AOPEP: variants seen among roughly 807,000 people sequenced by gnomAD.
AOPEP encodes the protein aminopeptidase O (putative).
A neutral mutation model predicts 98.1 loss-of-function variants in AOPEP; 77 were observed. That is an observed-to-expected ratio of 0.78 (90% CI 0.65 to 0.95). The LOEUF is 0.95. AOPEP is among the 40% of genes least tolerant of loss of function. The pLI is 0.00. For missense variants in AOPEP, 1,024 were observed against 1,024.7 expected, an observed-to-expected ratio of 1.00 and a Z score of 0.01; for synonymous variants, 346 against 365.3, an observed-to-expected ratio of 0.95 and a Z score of 0.60.
At chr9:94,999,216 C>CA (rs1335795390) in intron 11 of AOPEP, among the ~76,000 whole-genome samples, 1 of 151,764 alleles carries the variant, frequency 6.6e-6, no homozygotes, top group Admixed American at 6.6e-5. Flanking sequence ...GGAGTGAAGG[C>CA]AGCTTCCAAA....
chr9:94,863,350 G>A (rs1215172821), intron 5 of AOPEP, among the ~76,000 whole-genome samples: 5 of 149,310 alleles, frequency 3.3e-5, no homozygotes, highest in East Asian at 3.9e-4. Flanking sequence ...GCGTGGTCTC[G>A]GCTCACTGCC....
chr9:94,804,437 A>C (rs1271589220), intron 5 of AOPEP, among the ~76,000 whole-genome samples: 2 of 152,152 alleles, frequency 1.3e-5, no homozygotes, highest in African/African-American at 4.8e-5. Context: ...TGTGAAGAGC[A>C]CTGAAGTTAA....
intron 2 of AOPEP, among the ~76,000 whole-genome samples, chr9:94,766,089 AG>A (rs1839536591): frequency 6.6e-6 from 1 of 152,248 alleles, no homozygotes; most frequent in African/African-American, 2.4e-5. Context: ...GCTTCAAGAA[AG>A]GAATGGGACT....
chr9:94,928,207 G>T (rs539971330), intron 6 of AOPEP, among the ~76,000 whole-genome samples: 2 of 152,038 alleles, frequency 1.3e-5, no homozygotes, highest in East Asian at 1.9e-4. Context: ...CAAACAGCAG[G>T]CCCAGCTCCA....
At chr9:95,104,304 G>A in the AOPEP span, among the ~76,000 whole-genome samples, 1 of 152,328 alleles carries the variant, frequency 6.6e-6, no homozygotes, top group East Asian at 1.9e-4. Context: ...ACCACGATGG[G>A]TGCCCAGATG....
At chr9:94,816,917 A>G (rs115452584) in intron 5 of AOPEP, among the ~76,000 whole-genome samples, 5,874 of 152,314 alleles carry the variant, frequency 0.039, 355 homozygotes, top group African/African-American at 0.13. Flanking sequence ...TTTCAGTTCA[A>G]TTCTCCTGAC....
chr9:94,894,676 G>T (rs2049264988), intron 5 of AOPEP, among the ~76,000 whole-genome samples: 1 of 152,144 alleles, frequency 6.6e-6, no homozygotes, highest in East Asian at 1.9e-4. Context: ...TCATAGAAAG[G>T]AAGGCTTTCA....
At chr9:95,068,897 T>TGCCC (rs895909985) in intron 14 of AOPEP, among the ~76,000 whole-genome samples, 1 of 152,130 alleles carries the variant, frequency 6.6e-6, no homozygotes, top group Non-Finnish European at 1.5e-5. Flanking sequence ...GGGCTCAGGA[T>TGCCC]GCCCCCTTTG....
At position 94,747,182 on chromosome 9, in the gene AOPEP, G is replaced by A. The variant is rs73654269; in HGVS notation, c.-135-12467G>A. ...AGACTGTTTAAAACTTGAGACCAGA[G>A]AGCACAGTTTATCTTATTTACAGTT... On this transcript the variant is annotated intron_variant, in intron 1 of 16. Coordinates refer to ENST00000375315, the MANE Select transcript of AOPEP (RefSeq NM_001193329.3). Among the ~76,000 whole-genome samples, 978 of 152,200 alleles carry A rather than the reference G, an allele frequency of 6.4e-3. 6 individuals carry two copies. Among genetic ancestry groups the A allele is most frequent in the African/African-American group, 0.023 (944 of 41,500 alleles).
intron 11 of AOPEP, among the ~76,000 whole-genome samples, chr9:94,982,262 A>G (rs755756287): frequency 6.6e-6 from 1 of 152,174 alleles, no homozygotes; most frequent in African/African-American, 2.4e-5. Context: ...ATAAATACAT[A>G]TTTTACGTTT....
intron 13 of AOPEP, among the ~76,000 whole-genome samples, chr9:95,035,719 C>G (rs970607170): frequency 2.0e-5 from 3 of 151,816 alleles, no homozygotes; most frequent in African/African-American, 7.3e-5. Flanking sequence ...CGAGGTTTCT[C>G]CATGTTGGTC....
At chr9:94,806,071 A>G (rs541446465) in intron 5 of AOPEP, among the ~76,000 whole-genome samples, 5 of 152,112 alleles carry the variant, frequency 3.3e-5, no homozygotes, top group African/African-American at 4.8e-5. Context: ...CTTTTAAACA[A>G]TCCTTCTTTA....
chr9:94,887,105 C>T (rs2048323583), intron 5 of AOPEP, among the ~76,000 whole-genome samples: 1 of 151,930 alleles, frequency 6.6e-6, no homozygotes, highest in Admixed American at 6.6e-5. Context: ...CTTTGGGAGG[C>T]CAAGGTGAGT....
chr9:94,832,230 C>T (rs1856125117), intron 5 of AOPEP, among the ~76,000 whole-genome samples: 1 of 152,070 alleles, frequency 6.6e-6, no homozygotes, highest in Admixed American at 6.6e-5. Context: ...GAAAAAACAA[C>T]AGTCATATAG....
the AOPEP span, among the ~76,000 whole-genome samples, chr9:95,144,849 C>T: frequency 1.3e-5 from 2 of 152,144 alleles, no homozygotes; most frequent in Non-Finnish European, 2.9e-5. Flanking sequence ...AAGAATCGAG[C>T]GCCGCGCCGC....
At chr9:94,855,436 C>T (rs1465583921) in intron 5 of AOPEP, among the ~76,000 whole-genome samples, 2 of 152,116 alleles carry the variant, frequency 1.3e-5, no homozygotes, top group African/African-American at 2.4e-5. Flanking sequence ...CGCCTGTAAT[C>T]CCAGCAGTTT....
intron 11 of AOPEP, among the ~76,000 whole-genome samples, chr9:94,996,864 T>A (rs187787857): frequency 6.6e-6 from 1 of 152,320 alleles, no homozygotes; most frequent in African/African-American, 2.4e-5. Context: ...CAGCATGGGT[T>A]GCTTCCTGAA....
intron 5 of AOPEP, among the ~76,000 whole-genome samples, chr9:94,907,482 A>C (rs746203051): frequency 9.9e-5 from 15 of 152,188 alleles, no homozygotes; most frequent in Admixed American, 3.9e-4. Flanking sequence ...GCACAGAGTC[A>C]AGCATCAGGA....
chr9:94,954,972 G>A (rs1385816681), intron 7 of AOPEP, among the ~76,000 whole-genome samples: 1 of 152,126 alleles, frequency 6.6e-6, no homozygotes, highest in Non-Finnish European at 1.5e-5. Context: ...TAAAATATTT[G>A]CCAATAGCCA....
Sources: gnomAD v4.1 joint callset for allele counts (sites outside exome capture counted in the v4.1 genomes callset) on GRCh38, gnomAD v4.1.1 for gene constraint, MANE v1.5 for transcripts, NCBI Gene and HGNC (gene_info 2026-07-23, HGNC 2026-07-21) for gene names.